IQGAP2: variants seen among roughly 807,000 people sequenced by gnomAD.
The protein encoded by IQGAP2 is ras GTPase-activating-like protein IQGAP2.
In IQGAP2, 173 loss-of-function variants were observed where a neutral mutation model predicts 201.3. That is an observed-to-expected ratio of 0.86 (90% CI 0.76 to 0.98). IQGAP2 has a LOEUF of 0.98. IQGAP2 is among the 50% of genes least tolerant of loss of function. IQGAP2 has a pLI of 0.00. For missense variants in IQGAP2, 1,687 were observed against 1,864.8 expected, an observed-to-expected ratio of 0.90 and a Z score of 1.76; for synonymous variants, 675 against 673.9, an observed-to-expected ratio of 1.00 and a Z score of -0.03.
intron 1 of IQGAP2, among the ~76,000 whole-genome samples, chr5:76,445,588 C>A (rs1246486334): frequency 6.6e-6 from 1 of 151,736 alleles, no homozygotes; most frequent in East Asian, 1.9e-4. Context: ...CCTCAGCCTG[C>A]CGAATAGCTG....
chr5:76,669,325 G>T (rs1242627878), intron 23 of IQGAP2, among the ~76,000 whole-genome samples: 1 of 152,196 alleles, frequency 6.6e-6, no homozygotes, highest in Non-Finnish European at 1.5e-5. Flanking sequence ...CTTAGCTCAG[G>T]TGGCCTCCCT....
chr5:76,703,013 AG>A (rs1747549942), intron 35 of IQGAP2, among the ~76,000 whole-genome samples: 1 of 4,036 alleles, frequency 2.5e-4, no homozygotes, highest in Non-Finnish European at 4.7e-4. Context: ...TTGTGGGGGG[AG>A]GGGGTGGGGG....
Position 76,467,122 on chromosome 5 carries a change from C to T in IQGAP2, c.146+5453C>T, listed in dbSNP as rs574571152. Among the ~76,000 whole-genome samples, 4 of 152,186 alleles carry T rather than the reference C, an allele frequency of 2.6e-5. No individual in the cohort carries two copies. The South Asian group carries it at 8.3e-4, about 32-fold the overall frequency. ...GAAAAATTAGCTGGATGTGGTGGCA[C>T]ATGCCTGTAGTCCCAGCTACTCTGG... On this transcript the variant is annotated intron_variant, in intron 2 of 35. Coordinates refer to ENST00000274364, the MANE Select transcript of IQGAP2 (RefSeq NM_006633.5).
intron 2 of IQGAP2, among the ~76,000 whole-genome samples, chr5:76,517,407 A>C (rs1337561124): frequency 6.6e-6 from 1 of 152,130 alleles, no homozygotes; most frequent in African/African-American, 2.4e-5. Flanking sequence ...ATTCATGCAA[A>C]TAACAGTAAC....
At chr5:76,465,662 A>G (rs1197751954) in intron 2 of IQGAP2, among the ~76,000 whole-genome samples, 1 of 152,228 alleles carries the variant, frequency 6.6e-6, no homozygotes, top group Non-Finnish European at 1.5e-5. Flanking sequence ...AGAAAACACT[A>G]AGAAAACCCC....
intron 2 of IQGAP2, among the ~76,000 whole-genome samples, chr5:76,493,287 AC>A (rs1241386631): frequency 1.6e-5 from 2 of 126,592 alleles, no homozygotes; most frequent in African/African-American, 3.1e-5. Flanking sequence ...GCCCCTCACC[AC>A]CCCTCTGGCC....
chr5:76,424,803 A>T (rs1481128940), intron 1 of IQGAP2, among the ~76,000 whole-genome samples: 1 of 152,182 alleles, frequency 6.6e-6, no homozygotes, highest in African/African-American at 2.4e-5. Context: ...CTCTCCTGTG[A>T]CCTGAAGTAA....
chr5:76,601,616 G>GC (rs1476234635), intron 11 of IQGAP2, among the ~76,000 whole-genome samples: 2 of 152,190 alleles, frequency 1.3e-5, no homozygotes, highest in African/African-American at 4.8e-5. Flanking sequence ...TGAGATAAAA[G>GC]CCCCAGTTAA....
intron 2 of IQGAP2, among the ~76,000 whole-genome samples, chr5:76,531,375 A>T (rs1040390984): frequency 2.0e-4 from 30 of 152,274 alleles, no homozygotes; most frequent in African/African-American, 6.7e-4. Flanking sequence ...CAAGCAATCC[A>T]CGTGAGTAGC....
At chr5:76,592,372 G>A (rs1464001794) in intron 8 of IQGAP2, among the ~76,000 whole-genome samples, 1 of 152,062 alleles carries the variant, frequency 6.6e-6, no homozygotes, top group African/African-American at 2.4e-5. Flanking sequence ...TCTGTTGCTC[G>A]AAGCCCTCAT....
At chr5:76,630,032 G>A (rs898766773) in intron 14 of IQGAP2, among the ~76,000 whole-genome samples, 2 of 152,174 alleles carry the variant, frequency 1.3e-5, no homozygotes, top group Admixed American at 6.5e-5. Context: ...GACACTTTGA[G>A]CCTGTTGATT....
intron 1 of IQGAP2, among the ~76,000 whole-genome samples, chr5:76,443,061 A>C (rs1353039805): frequency 6.6e-6 from 1 of 152,202 alleles, no homozygotes; most frequent in Non-Finnish European, 1.5e-5. Context: ...AATCTGCTCA[A>C]ATCTAAAGGG....
intron 2 of IQGAP2, among the ~76,000 whole-genome samples, chr5:76,480,663 T>C (rs1755725025): frequency 6.6e-6 from 1 of 152,186 alleles, no homozygotes; most frequent in Non-Finnish European, 1.5e-5. Context: ...ACAGCCCCAA[T>C]GTGTCAATTC....
At chr5:76,444,560 A>G (rs887197086) in intron 1 of IQGAP2, among the ~76,000 whole-genome samples, 3 of 152,154 alleles carry the variant, frequency 2.0e-5, no homozygotes, top group Non-Finnish European at 4.4e-5. Context: ...TGGCCTCCCA[A>G]ATTGCTGGGA....
At chr5:76,526,422 G>A (rs541603552) in intron 2 of IQGAP2, among the ~76,000 whole-genome samples, 2 of 152,314 alleles carry the variant, frequency 1.3e-5, no homozygotes, top group African/African-American at 4.8e-5. Flanking sequence ...ATTTTCTTAA[G>A]AGTTGTCGAC....
At chr5:76,589,932 C>A (rs532663257) in intron 7 of IQGAP2, among the ~76,000 whole-genome samples, 83 of 152,212 alleles carry the variant, frequency 5.5e-4, no homozygotes, top group Non-Finnish European at 9.0e-4. Flanking sequence ...TCTACTTGTA[C>A]AACATGAATT....
At chr5:76,598,953 T>C (rs2150319971) in intron 10 of IQGAP2, among the ~76,000 whole-genome samples, 2 of 152,324 alleles carry the variant, frequency 1.3e-5, no homozygotes, top group South Asian at 4.1e-4. Flanking sequence ...ATTATCTTGT[T>C]TTTTGCAAAA....
At chr5:76,673,403 G>T (rs1175150212) in intron 24 of IQGAP2, 46 bp from the exon 25 acceptor site, 1 of 1,590,202 alleles carries the variant, frequency 6.3e-7, no homozygotes, top group African/African-American at 1.4e-5. Flanking sequence ...CAAAATTAAT[G>T]CTTGTACCTA....
intron 2 of IQGAP2, among the ~76,000 whole-genome samples, chr5:76,466,532 T>A (rs549147537): frequency 1.3e-5 from 2 of 152,300 alleles, no homozygotes; most frequent in East Asian, 3.9e-4. Flanking sequence ...TTTGAGAGTC[T>A]AGAAATAAAC....
Sources: allele counts gnomAD v4.1 joint callset (sites outside exome capture counted in the v4.1 genomes callset), GRCh38; gene constraint gnomAD v4.1.1; transcripts MANE v1.5; gene names NCBI Gene and HGNC (gene_info 2026-07-23, HGNC 2026-07-21).